ZNF721: variants seen among roughly 807,000 people sequenced by gnomAD.
ZNF721 encodes zinc finger protein 721.
A neutral mutation model predicts 2.4 loss-of-function variants in ZNF721; 2 were observed. The observed-to-expected ratio is 0.82, with a 90% CI of 0.34 to 2.58. The LOEUF (loss-of-function observed/expected upper bound fraction) is 2.58, where lower values mean the gene tolerates loss of function less well. Ranked by LOEUF, ZNF721 falls within the 30% of genes most tolerant of loss-of-function variation. The pLI, the probability that ZNF721 is intolerant of heterozygous loss-of-function variation, is 0.11. For synonymous variants in ZNF721, 398 were observed against 381.8 expected, an observed-to-expected ratio of 1.04 and a Z score of -0.50; for missense variants, 1,187 against 1,085.5, an observed-to-expected ratio of 1.09 and a Z score of -1.31.
intron 1 of ZNF721, among the ~76,000 whole-genome samples, chr4:491,990 TA>T (rs781964022): frequency 0.05 from 7,159 of 142,624 alleles, 238 homozygotes; most frequent in African/African-American, 0.1. Flanking sequence ...CCATCTCTAC[TA>T]AAAAAAAAAA....
intron 1 of ZNF721, among the ~76,000 whole-genome samples, chr4:495,944 C>A (rs1171870921): frequency 2.6e-5 from 4 of 152,098 alleles, no homozygotes; most frequent in African/African-American, 7.2e-5. Context: ...TTAAAAAAAT[C>A]TTTTTAAATC....
In ZNF721 at chr4:442,843, C is replaced by T. The variant is rs546706611; in HGVS notation, c.1624G>A (p.Ala542Thr). 82 of 1,610,148 alleles carry T rather than the reference C, an allele frequency of 5.1e-5. 1 individual carries two copies. The highest frequency in any genetic ancestry group is 8.4e-5 in the Admixed American group (5 of 59,606). ...EVCGKAFRQS[A>T]ILYVHRRIHT... ...ATTCTCCTATGTACATAAAGGATTG[C>T]GGACTGTCTAAAGGCTTTGCCACAT... Residue 542 changes from alanine to threonine, a missense_variant, in exon 3 of 3, where the codon GCA becomes ACA. By Grantham distance (58) the Ala-to-Thr change is moderately conservative. Transcript: ENST00000511833.
At position 444,130 on chromosome 4, in the gene ZNF721, C is replaced by G. The variant is rs368508821; in HGVS notation, c.337G>C (p.Glu113Gln). ...AACTTCTGAAATGACTTGCCACATT[C>G]GTTACATTTAAAGTGTTTCTCTCCA... ...HTGEKHFKCN[E>Q]CGKSFQKFSD... The change falls in exon 3 of 3, where the codon GAA (glutamate) becomes CAA (glutamine). Residue 113 changes from glutamate (E) to glutamine (Q), a missense_variant. By Grantham distance (29) the Glu-to-Gln change is conservative. Coordinates refer to ENST00000511833, the MANE Select transcript of ZNF721 (RefSeq NM_133474.4). 2.7e-5 allele frequency: 43 copies of G among 1,614,018 alleles called. No homozygotes were observed. The highest frequency in any genetic ancestry group is 1.6e-4 in the Middle Eastern group (1 of 6,084).
intron 2 of ZNF721, among the ~76,000 whole-genome samples, chr4:464,851 G>A (rs1480644858): frequency 5.3e-5 from 8 of 151,196 alleles, no homozygotes; most frequent in Non-Finnish European, 8.9e-5. Flanking sequence ...AGGCCGAGGC[G>A]GGAGGATCAC....
intron 2 of ZNF721, among the ~76,000 whole-genome samples, chr4:452,161 C>A (rs147808485): frequency 2.0e-5 from 3 of 152,162 alleles, no homozygotes; most frequent in African/African-American, 7.2e-5. Flanking sequence ...AGCTATCAGC[C>A]TATTGCTGAA....
chr4:484,936 G>A (rs1216613448), intron 1 of ZNF721, among the ~76,000 whole-genome samples: 4 of 152,100 alleles, frequency 2.6e-5, no homozygotes, highest in African/African-American at 9.7e-5. Context: ...TTTGCGGCTT[G>A]TGGGGCATCA....
intron 2 of ZNF721, among the ~76,000 whole-genome samples, chr4:465,057 C>T (rs1303175269): frequency 6.7e-6 from 1 of 148,738 alleles, no homozygotes; most frequent in Non-Finnish European, 1.5e-5. Flanking sequence ...TGGACTCCCG[C>T]CTGGGTGATA....
chr4:442,591 T>C lies in ZNF721; in HGVS notation c.1876A>G (p.Thr626Ala), dbSNP rs931636719. ...ATTTTCTTCTGTTGATTCAGGTCCGTGTACCATACAAAGTCTTTGCCACAC... is the reference window on the plus strand; with the variant it reads ...ATTTTCTTCTGTTGATTCAGGTCCGCGTACCATACAAAGTCTTTGCCACAC... ...EECGKDFVWY[T>A]DLNQQKKIYT... The change falls in exon 3 of 3, where the codon ACG (threonine) becomes GCG (alanine). Residue 626 changes from threonine (T) to alanine (A), a missense_variant. Coordinates refer to ENST00000511833, the MANE Select transcript of ZNF721 (RefSeq NM_133474.4). The C allele has an allele frequency of 5.6e-6, 9 of 1,613,710 alleles. No homozygotes were observed. The highest frequency in any genetic ancestry group is 2.2e-5 in the East Asian group (1 of 44,814).
intron 1 of ZNF721, among the ~76,000 whole-genome samples, chr4:481,230 T>C (rs1576970500): frequency 6.6e-6 from 1 of 152,208 alleles, no homozygotes; most frequent in Non-Finnish European, 1.5e-5. Flanking sequence ...AGGCATTTTA[T>C]TTTTAATATT....
Position 442,187 on chromosome 4 carries a change from T to G in ZNF721, c.2280A>C (p.Lys760Asn). The G allele has an allele frequency of 6.2e-7, 1 of 1,612,328 alleles. No individual in the cohort carries two copies. Residue 760 changes from lysine (K) to asparagine (N), a missense_variant, in exon 3 of 3, where the codon AAA becomes AAC. Coordinates refer to ENST00000511833, the MANE Select transcript of ZNF721 (RefSeq NM_133474.4). Reference sequence around the variant, plus strand: ...TCAGGTGTGAGGACTGTTTAAACACTTTCCCACATTCTTTACATTTGTAGA... The same window carrying G: ...TCAGGTGTGAGGACTGTTTAAACACGTTCCCACATTCTTTACATTTGTAGA... Reference protein sequence around the residue: ...DKLYKCKECGKVFKQSSHLNR... With the variant: ...DKLYKCKECGNVFKQSSHLNR...
intron 2 of ZNF721, 69 bp from the exon 3 acceptor site, chr4:444,501 A>G: frequency 7.0e-7 from 1 of 1,419,210 alleles, no homozygotes. Flanking sequence ...ACAAATCATA[A>G]GATTATACAA....
intron 1 of ZNF721, among the ~76,000 whole-genome samples, chr4:476,842 T>A (rs1715634685): frequency 1.3e-5 from 2 of 152,194 alleles, no homozygotes; most frequent in South Asian, 4.1e-4. Context: ...TTTGCCTTAT[T>A]TTAGGAGAAA....
chr4:480,795 G>T (rs1715751553), intron 1 of ZNF721, among the ~76,000 whole-genome samples: 1 of 126,308 alleles, frequency 7.9e-6, no homozygotes, highest in Non-Finnish European at 1.6e-5. Context: ...TATCTATCAA[G>T]AAACTTTTAA....
intron 2 of ZNF721, among the ~76,000 whole-genome samples, chr4:446,992 G>T (rs1714498683): frequency 6.6e-6 from 1 of 152,136 alleles, no homozygotes. Context: ...GGCTGAGGAA[G>T]AATTTTTCAA....
chr4:448,457 A>G (rs1714549338), intron 2 of ZNF721, among the ~76,000 whole-genome samples: 1 of 150,530 alleles, frequency 6.6e-6, no homozygotes, highest in South Asian at 2.1e-4. Flanking sequence ...AAAAAAAAAA[A>G]TTACATACTT....
rs1553863312 is a variant in ZNF721, at chr4:442,263, C to G, written c.2204G>C (p.Gly735Ala). 6.2e-7 allele frequency: 1 copy of G among 1,613,284 alleles called. No homozygotes were observed. The highest frequency in any genetic ancestry group is 1.1e-5 in the South Asian group (1 of 91,034). ...YKCEDRGRSF[G>A]WSTNLNEYKK... is the part of the protein sequence containing the mutation. ...ATATTCGTTCAGGTTTGTGGACCAT[C>G]CAAAGGATCTGCCACGATCTTCACA... The change falls in exon 3 of 3, where the codon GGA becomes GCA. Residue 735 changes from glycine to alanine, a missense_variant. Gly to Ala is a moderately conservative substitution (Grantham distance 60). Coordinates refer to ENST00000511833, the MANE Select transcript of ZNF721 (RefSeq NM_133474.4).
chr4:465,989 TTTTTC>T lies in ZNF721; in HGVS notation c.34+6581_34+6585del, dbSNP rs570325822. ...CTGCCTTTTATCTTTTTTGTTGTCG[TTTTTC>T]TTTTCTTTTTTTTTTTTTTTGAGGT... On this transcript the variant is annotated intron_variant, in intron 2 of 2. Transcript: ENST00000511833. Among the ~76,000 whole-genome samples, 511 of 151,404 alleles carry T rather than the reference TTTTTC, an allele frequency of 3.4e-3. 1 individual carries two copies. The highest frequency in any genetic ancestry group is 0.012 in the African/African-American group (505 of 41,318).
At chr4:463,972 T>C (rs953775233) in intron 2 of ZNF721, among the ~76,000 whole-genome samples, 23 of 152,104 alleles carry the variant, frequency 1.5e-4, no homozygotes, top group African/African-American at 5.6e-4. Context: ...ATAATTATCT[T>C]AAAAAATCTC....
At chr4:486,756 T>C (rs367689725) in intron 1 of ZNF721, among the ~76,000 whole-genome samples, 1 of 152,230 alleles carries the variant, frequency 6.6e-6, no homozygotes, top group South Asian at 2.1e-4. Flanking sequence ...ATTTCTCCTA[T>C]GATAAATTAA....
Sources: gnomAD v4.1 joint callset for allele counts (sites outside exome capture counted in the v4.1 genomes callset) on GRCh38, gnomAD v4.1.1 for gene constraint, MANE v1.5 for transcripts, NCBI Gene and HGNC (gene_info 2026-07-23, HGNC 2026-07-21) for gene names.